The following NR2F1-AS1 variants were observed in gnomAD, a reference collection of about 807,000 sequenced individuals.
NR2F1-AS1 encodes NR2F1 antisense RNA 1.
At chr5:93,415,886 T>A (rs1182608002) in intron 4 of NR2F1-AS1, among the ~76,000 whole-genome samples, 6 of 152,236 alleles carry the variant, frequency 3.9e-5, no homozygotes, top group Non-Finnish European at 7.3e-5. Flanking sequence ...AAAAATAGCA[T>A]GGATGAGAGT....
intron 4 of NR2F1-AS1, among the ~76,000 whole-genome samples, chr5:93,507,553 T>C (rs535904610): frequency 3.9e-5 from 6 of 152,198 alleles, no homozygotes; most frequent in African/African-American, 1.4e-4. Flanking sequence ...ACACGAGGTT[T>C]TACCATGTTG....
At chr5:93,529,099 G>C (rs1351650810) in intron 4 of NR2F1-AS1, among the ~76,000 whole-genome samples, 1 of 152,234 alleles carries the variant, frequency 6.6e-6, no homozygotes, top group East Asian at 1.9e-4. Context: ...TTCATATATA[G>C]AATGTGTAGA....
intron 4 of NR2F1-AS1, among the ~76,000 whole-genome samples, chr5:93,481,143 T>C (rs2149875069): frequency 6.6e-6 from 1 of 151,982 alleles, no homozygotes; most frequent in African/African-American, 2.4e-5. Context: ...GACCCAAAGA[T>C]ATAATAAGTT....
At chr5:93,583,526 G>GA (rs969739836), upstream of NR2F1-AS1, 62 of 145,700 alleles carry the variant, frequency 4.3e-4, no homozygotes, top group East Asian at 6.0e-4. Context: ...TAAACTTAAA[G>GA]AAAAAAAAAA....
chr5:93,492,266 G>T (rs1473285704), intron 4 of NR2F1-AS1, among the ~76,000 whole-genome samples: 1 of 152,042 alleles, frequency 6.6e-6, no homozygotes, highest in Non-Finnish European at 1.5e-5. Context: ...AATCTTAACA[G>T]ATCTAAAGAA....
chr5:93,570,684 G>A (rs1270684854), intron 1 of NR2F1-AS1: 1 of 152,218 alleles, frequency 6.6e-6, no homozygotes, highest in Non-Finnish European at 1.5e-5. Context: ...CTCAAGGAGT[G>A]GTGGCCTTCT....
At chr5:93,447,775 A>T (rs1354820843) in intron 4 of NR2F1-AS1, among the ~76,000 whole-genome samples, 1 of 152,228 alleles carries the variant, frequency 6.6e-6, no homozygotes, top group Non-Finnish European at 1.5e-5. Context: ...TATTCACAAT[A>T]GCAAAGACTT....
At chr5:93,534,744 C>T (rs897328896) in intron 4 of NR2F1-AS1, among the ~76,000 whole-genome samples, 1 of 152,144 alleles carries the variant, frequency 6.6e-6, no homozygotes, top group Non-Finnish European at 1.5e-5. Flanking sequence ...AAGTAAATTA[C>T]GATCCAGCCG....
intron 4 of NR2F1-AS1, among the ~76,000 whole-genome samples, chr5:93,529,774 C>T (rs977205428): frequency 3.3e-5 from 5 of 151,892 alleles, no homozygotes; most frequent in Admixed American, 1.3e-4. Flanking sequence ...AAAAAGGAAA[C>T]GCTATTTTCT....
intron 4 of NR2F1-AS1, among the ~76,000 whole-genome samples, chr5:93,502,871 G>T (rs1252398327): frequency 6.6e-6 from 1 of 152,116 alleles, no homozygotes; most frequent in African/African-American, 2.4e-5. Context: ...AAAAAAACTA[G>T]GGGCTGGACA....
chr5:93,497,382 T>C (rs1750983550), intron 4 of NR2F1-AS1, among the ~76,000 whole-genome samples: 1 of 152,176 alleles, frequency 6.6e-6, no homozygotes, highest in Non-Finnish European at 1.5e-5. Context: ...TGAAACCAAA[T>C]ATAAGGTTGT....
intron 1 of NR2F1-AS1, among the ~76,000 whole-genome samples, chr5:93,578,200 C>A (rs1268051370): frequency 5.9e-5 from 9 of 152,174 alleles, no homozygotes. Flanking sequence ...GAATGTGCAG[C>A]CAAACCGATC....
At chr5:93,562,607 T>C (rs915375757) in intron 2 of NR2F1-AS1, among the ~76,000 whole-genome samples, 4 of 152,162 alleles carry the variant, frequency 2.6e-5, no homozygotes, top group Admixed American at 1.3e-4. Flanking sequence ...ATTCCAAGCA[T>C]TTTTTCAAAA....
At chr5:93,420,604 A>G (rs1320374938) in intron 4 of NR2F1-AS1, among the ~76,000 whole-genome samples, 1 of 152,194 alleles carries the variant, frequency 6.6e-6, no homozygotes, top group Non-Finnish European at 1.5e-5. Flanking sequence ...GAAGAGGCCA[A>G]CAAAATGTCA....
chr5:93,487,083 G>A (rs1011104104), intron 4 of NR2F1-AS1, among the ~76,000 whole-genome samples: 3 of 152,218 alleles, frequency 2.0e-5, no homozygotes, highest in Non-Finnish European at 4.4e-5. Context: ...ACTAGGTACT[G>A]ATGGGACGTA....
intron 4 of NR2F1-AS1, among the ~76,000 whole-genome samples, chr5:93,511,419 T>C (rs1392864877): frequency 6.6e-6 from 1 of 152,196 alleles, no homozygotes; most frequent in African/African-American, 2.4e-5. Context: ...CCTAGGTCTC[T>C]AGCTTGCAAG....
chr5:93,479,157 C>T lies in NR2F1-AS1; in HGVS notation n.638+74604G>A, dbSNP rs528005825. On this transcript the variant is annotated intron_variant and non_coding_transcript_variant, in intron 4 of 5. Coordinates refer to ENST00000660523, the Ensembl canonical transcript of NR2F1-AS1. Reference sequence around the variant, plus strand: ...AGCCCTGTGGAAAGCAGCATGGGGACAATGGCCTGTATGCCTGGTGCAATT... The same window carrying T: ...AGCCCTGTGGAAAGCAGCATGGGGATAATGGCCTGTATGCCTGGTGCAATT... Among the ~76,000 whole-genome samples the T allele has an allele frequency of 2.5e-4, 38 of 152,174 alleles. 1 individual carries two copies. Among genetic ancestry groups the T allele is most frequent in the Non-Finnish European group, 4.3e-4 (29 of 68,016 alleles).
At chr5:93,577,521 T>C (rs1402647210) in intron 1 of NR2F1-AS1, among the ~76,000 whole-genome samples, 2 of 152,104 alleles carry the variant, frequency 1.3e-5, no homozygotes, top group African/African-American at 4.8e-5. Context: ...GTCTTGGGGG[T>C]AAAGATTTCT....
rs202004034 is a variant in NR2F1-AS1 at position 93,520,015 on chromosome 5, TCA to T, written n.638+33744_638+33745del. ...GTATCTAAGGTCTCAATGTTAAGAA[TCA>T]GAGAGCTTTAAAAAGACAAATTCAC... On this transcript the variant is annotated intron_variant and non_coding_transcript_variant, in intron 4 of 5. Coordinates refer to ENST00000660523, the Ensembl canonical transcript of NR2F1-AS1. 2.4e-3 allele frequency among the ~76,000 whole-genome samples: 372 copies of T among 152,116 alleles called. 4 individuals carry two copies. In the East Asian group the frequency reaches 0.027, roughly 11 times the overall value.
Sources: gnomAD v4.1 joint callset for allele counts (sites outside exome capture counted in the v4.1 genomes callset) on GRCh38, gnomAD v4.1.1 for gene constraint, MANE v1.5 for transcripts, NCBI Gene and HGNC (gene_info 2026-07-23, HGNC 2026-07-21) for gene names.